Variants in HNRNPA2B1 observed in about 807,000 individuals in gnomAD.
HNRNPA2B1 encodes heterogeneous nuclear ribonucleoprotein A2/B1.
HNRNPA2B1 carries 3 observed loss-of-function variants against 46.3 expected under a neutral mutation model. The ratio of observed to expected loss-of-function variants is 0.06; its 90% CI spans 0.03 to 0.17. The LOEUF (loss-of-function observed/expected upper bound fraction) is 0.17, where lower values mean the gene tolerates loss of function less well. Among genes scored for constraint, HNRNPA2B1 ranks in the 10% least tolerant of loss-of-function variants. The pLI is 1.00. For synonymous variants in HNRNPA2B1, 225 were observed against 133.8 expected, an observed-to-expected ratio of 1.68 and a Z score of -4.70; for missense variants, 221 against 418.9, an observed-to-expected ratio of 0.53 and a Z score of 4.12.
chr7:26,199,058 C>T (rs1025124990), intron 1 of HNRNPA2B1: 3 of 152,276 alleles, frequency 2.0e-5, no homozygotes, highest in Admixed American at 6.5e-5. Context: ...TAGTTATTTT[C>T]ATTTTTTCAG....
At chr7:26,197,052 G>A (rs373058246) in intron 3 of HNRNPA2B1, 35 bp from the exon 4 acceptor site, 3 of 1,516,542 alleles carry the variant, frequency 2.0e-6, no homozygotes, top group Admixed American at 3.6e-5. Flanking sequence ...CATCCAAACA[G>A]AAAAAAACAC....
intron 9 of HNRNPA2B1, among the ~76,000 whole-genome samples, 176 bp from the exon 10 acceptor site, chr7:26,192,753 T>A (rs1049472461): frequency 6.6e-6 from 1 of 152,234 alleles, no homozygotes; most frequent in Non-Finnish European, 1.5e-5. Context: ...TTCATAGACA[T>A]TTTTATTTCG....
At chr7:26,196,242 C>G (rs1355250066) in intron 6 of HNRNPA2B1, among the ~76,000 whole-genome samples, 159 bp downstream of exon 6, 2 of 152,186 alleles carry the variant, frequency 1.3e-5, no homozygotes, top group Admixed American at 1.3e-4. Flanking sequence ...CTATTAACTT[C>G]TTGTCTGGCC....
In HNRNPA2B1 at chr7:26,196,913, A is replaced by G. The variant is rs1292040489; in HGVS notation, c.369T>C (p.Tyr123=). 10 of 1,613,504 alleles carry G rather than the reference A, an allele frequency of 6.2e-6. No individual in the cohort carries two copies. Among genetic ancestry groups the G allele is most frequent in the Non-Finnish European group, 8.5e-6 (10 of 1,179,582 alleles). Residue 123 remains tyrosine (Y), a synonymous_variant, in exon 4 of 11, where the codon TAT becomes TAC. Transcript: ENST00000618183. ...EHHLRDYFEE[Y]GKIDTIEIIT... is the part of the protein sequence containing the mutation. ...TTATCTCAATGGTATCAATTTTTCC[A>G]TATTCCTCAAAGTAATCTCTAAGGT...
At chr7:26,200,244 C>T in intron 1 of HNRNPA2B1, 1 of 335,426 alleles carries the variant, frequency 3.0e-6, no homozygotes, top group Non-Finnish European at 5.6e-6. Context: ...GACGCCGTGG[C>T]CCCCGAAGCA....
chr7:26,195,450 A>C (rs1405319866), intron 7 of HNRNPA2B1, among the ~76,000 whole-genome samples: 1 of 152,218 alleles, frequency 6.6e-6, no homozygotes, highest in Non-Finnish European at 1.5e-5. Context: ...TTTGAAAGTT[A>C]TCCTGGGATG....
rs1193919522 is a variant in HNRNPA2B1 at position 26,192,571 on chromosome 7, T to A, written c.971A>T (p.Tyr324Phe). The A allele has an allele frequency of 1.2e-6, 2 of 1,613,736 alleles. No homozygotes were observed. Among genetic ancestry groups the A allele is most frequent in the Non-Finnish European group, 1.7e-6 (2 of 1,179,734 alleles). ...ACTTCCTCCACTGCCTCCTGGACCA[T>A]AGTTTCCTATAATTGTTGGAACAGC... ...NMGGPYGGGN[Y>F]GPGGSGGSGG... Residue 324 changes from tyrosine to phenylalanine, a missense_variant, in exon 10 of 11, where the codon TAT becomes TTT. By Grantham distance (22) the Tyr-to-Phe change is conservative. This residue lies in a region of HNRNPA2B1 where 143 missense variants were observed against 200.5 expected (regional missense o/e 0.71). Coordinates refer to ENST00000618183, the MANE Select transcript of HNRNPA2B1 (RefSeq NM_002137.4).
chr7:26,197,402 G>A lies in HNRNPA2B1; in HGVS notation c.177C>T (p.Ser59=). 1.9e-6 allele frequency: 3 copies of A among 1,614,018 alleles called. No individual in the cohort carries two copies. Among genetic ancestry groups the A allele is most frequent in the East Asian group, 2.2e-5 (1 of 44,882 alleles). The change falls in exon 3 of 11, where the codon TCC becomes TCT. Residue 59 remains serine (S), a synonymous_variant. Coordinates refer to ENST00000618183, the MANE Select transcript of HNRNPA2B1 (RefSeq NM_002137.4). ...SRGFGFVTFS[S]MAEVDAAMAA... is the part of the protein sequence containing the mutation. ...CCATGGCAGCATCAACCTCAGCCAT[G>A]GATGAAAAAGTTACAAAACCAAATC... is the stretch of plus-strand genomic sequence containing the variant.
chr7:26,197,295 GAC>G lies in HNRNPA2B1; in HGVS notation c.264+18_264+19del, dbSNP rs749148850. 4 of 1,595,070 alleles carry G rather than the reference GAC, an allele frequency of 2.5e-6. No homozygotes were observed. The highest frequency in any genetic ancestry group is 2.3e-5 in the South Asian group (2 of 88,764). On this transcript the variant is annotated intron_variant, in intron 3 of 10. Coordinates refer to ENST00000618183, the MANE Select transcript of HNRNPA2B1 (RefSeq NM_002137.4). The stretch of plus-strand genomic sequence containing the variant: ...CAGCGTTCTTCATGTTAATGCACAA[GAC>G]AGTCATTGTTTGCTTACCTCTCTTG...
chr7:26,196,229 ACT>A (rs1333677323), intron 6 of HNRNPA2B1, among the ~76,000 whole-genome samples, 170 bp downstream of exon 6: 1 of 152,178 alleles, frequency 6.6e-6, no homozygotes, highest in Non-Finnish European at 1.5e-5. Context: ...TATTAATACA[ACT>A]CTATTAACTT....
At chr7:26,197,954 G>T (rs1215018889) in intron 1 of HNRNPA2B1, 4 of 810,124 alleles carry the variant, frequency 4.9e-6, no homozygotes, top group Non-Finnish European at 7.8e-6. Context: ...TGCCTCAGCT[G>T]ATCTACACAA....
rs115725846 is a variant in HNRNPA2B1 at position 26,200,117 on chromosome 7, G to A, written c.6+455C>T. 3.0e-3 allele frequency: 619 copies of A among 205,754 alleles called. 3 individuals carry two copies. The highest frequency in any genetic ancestry group is 0.014 in the African/African-American group (586 of 42,910). The allele number at this position is 205,754 out of a possible 1,614,324, so 12.7% of individuals were successfully genotyped here. A position where few individuals can be genotyped will look rare whatever the true frequency, so the allele number is the denominator to read the frequency against. On this transcript the variant is annotated intron_variant, in intron 1 of 10. Transcript: ENST00000618183. ...AAGAGTTATAAGGAAAACGCTGAGA[G>A]GAAGGCGAGCCATGAAAATGGCGGC...
At chr7:26,195,111 G>C (rs199510411) in intron 7 of HNRNPA2B1, among the ~76,000 whole-genome samples, 24 of 97,390 alleles carry the variant, frequency 2.5e-4, no homozygotes, top group Non-Finnish European at 3.6e-4. Flanking sequence ...AAAAAAAAAA[G>C]AAACCATATT....
chr7:26,196,671 A>AT lies in HNRNPA2B1; in HGVS notation c.476-14dup. On this transcript the variant is annotated splice_polypyrimidine_tract_variant and intron_variant, in intron 4 of 10. Coordinates refer to ENST00000618183, the MANE Select transcript of HNRNPA2B1 (RefSeq NM_002137.4). ...TGGTATTTCTGCACTGGAATGAAAA[A>AT]TTCAGACTCCTTTTAAATTAAATCA... 1.2e-6 allele frequency: 2 copies of AT among 1,602,540 alleles called. No homozygotes were observed. The highest frequency in any genetic ancestry group is 1.7e-6 in the Non-Finnish European group (2 of 1,171,344).
chr7:26,194,156 G>A (rs920010608), intron 7 of HNRNPA2B1, among the ~76,000 whole-genome samples: 9 of 152,142 alleles, frequency 5.9e-5, no homozygotes, highest in Non-Finnish European at 1.3e-4. Context: ...AGCACTTTGG[G>A]AAGGCCGAGG....
rs1583992274 is a variant in HNRNPA2B1 at position 26,196,880 on chromosome 7, A to G, written c.402T>C (p.Asp134=). 1.2e-6 allele frequency: 2 copies of G among 1,613,984 alleles called. No individual in the cohort carries two copies. Among genetic ancestry groups the G allele is most frequent in the Non-Finnish European group, 1.7e-6 (2 of 1,179,886 alleles). ...AGCCTCTTTTCTTTCCAGACTGCCT[A>G]TCAGTAATTATCTCAATGGTATCAA... The part of the protein sequence containing the change: ...GKIDTIEIIT[D]RQSGKKRGFG... The change falls in exon 4 of 11, where the codon GAT becomes GAC. Residue 134 remains aspartate, a synonymous_variant. Coordinates refer to ENST00000618183, the MANE Select transcript of HNRNPA2B1 (RefSeq NM_002137.4).
rs562824416 is a variant in HNRNPA2B1 at position 26,200,038 on chromosome 7, A to G, written c.6+534T>C. On this transcript the variant is annotated intron_variant, in intron 1 of 10. Coordinates refer to ENST00000618183, the MANE Select transcript of HNRNPA2B1 (RefSeq NM_002137.4). ...ATATGAAAACAGCCCGAGAAGAAAA[A>G]AAAATAGTTAACCACTTCTACTTCT... 2.9e-3 allele frequency: 465 copies of G among 159,446 alleles called. 1 individual carries two copies. The highest frequency in any genetic ancestry group is 4.6e-3 in the Non-Finnish European group (325 of 71,408). The allele number at this position is 159,446 out of a possible 1,614,324, so 9.9% of individuals were successfully genotyped here. A position where few individuals can be genotyped will look rare whatever the true frequency, so the allele number is the denominator to read the frequency against.
chr7:26,196,115 T>TAA (rs1216100539), intron 6 of HNRNPA2B1, among the ~76,000 whole-genome samples: 2 of 152,184 alleles, frequency 1.3e-5, no homozygotes, highest in Admixed American at 1.3e-4. Flanking sequence ...GTCTCAATCT[T>TAA]AGAGATTCCA....
chr7:26,193,342 A>G lies in HNRNPA2B1; in HGVS notation c.873T>C (p.Phe291=). The change falls in exon 9 of 11, where the codon TTT becomes TTC. Residue 291 remains phenylalanine (F), a synonymous_variant. Transcript: ENST00000618183. ...TAGAAGGTTGCTGGTTATAATTTCCAAAATCATTGTAATTTCCACTTCCAT... is the reference window on the plus strand; with the variant it reads ...TAGAAGGTTGCTGGTTATAATTTCCGAAATCATTGTAATTTCCACTTCCAT... ...GNYGSGNYND[F]GNYNQQPSNY... 1.9e-6 allele frequency: 3 copies of G among 1,612,170 alleles called. No homozygotes were observed. Among genetic ancestry groups the G allele is most frequent in the Non-Finnish European group, 2.5e-6 (3 of 1,178,280 alleles).
Sources: gnomAD v4.1 joint callset for allele counts (sites outside exome capture counted in the v4.1 genomes callset) on GRCh38, gnomAD v4.1.1 for gene constraint, gnomAD v4.1.1 regional missense constraint, MANE v1.5 for transcripts, NCBI Gene and HGNC (gene_info 2026-07-23, HGNC 2026-07-21) for gene names.